CASZ1: variants seen among roughly 807,000 people sequenced by gnomAD.
The protein encoded by CASZ1 is castor zinc finger 1, also known as zinc finger protein castor homolog 1.
A neutral mutation model predicts 135.2 loss-of-function variants in CASZ1; 28 were observed. The observed-to-expected ratio is 0.21, with a 90% CI of 0.15 to 0.28. CASZ1 has a LOEUF of 0.28. Ranked by LOEUF, CASZ1 falls within the 10% of genes least tolerant of loss-of-function variation. The pLI, the probability that CASZ1 is intolerant of heterozygous loss-of-function variation, is 1.00. For synonymous variants in CASZ1, 1,068 were observed against 1,073.4 expected (o/e 0.99, Z 0.10); for missense variants, 2,161 against 2,453.3 (o/e 0.88, Z 2.52).
rs2100518277 is a variant in CASZ1, at chr1:10,735,820, T to C, written c.-77+24881A>G. Reference sequence around the variant, plus strand: ...GGCTGCACCAAGGGGACACTGGGAGTTGTAGGTAGTCAGGGAGCCCAGAGG... The same window carrying C: ...GGCTGCACCAAGGGGACACTGGGAGCTGTAGGTAGTCAGGGAGCCCAGAGG... On this transcript the variant is annotated intron_variant, in intron 2 of 20. Transcript: ENST00000377022. This position sits in a 1 kb window ranked among gnomAD's most constrained non-coding sequence, Gnocchi z 5.1. Among the ~76,000 whole-genome samples, 1 of 151,714 alleles carries C rather than the reference T, an allele frequency of 6.6e-6. No homozygotes were observed. The highest frequency in any genetic ancestry group is 2.1e-4 in the South Asian group (1 of 4,764).
intron 9 of CASZ1, among the ~76,000 whole-genome samples, 199 bp from the exon 10 acceptor site, chr1:10,654,790 G>A (rs560242922): frequency 4.1e-4 from 62 of 152,366 alleles, no homozygotes; most frequent in South Asian, 8.3e-4. Flanking sequence ...GGCCTCCACA[G>A]AGGGACCAAG....
chr1:10,683,316 T>A lies in CASZ1; in HGVS notation c.16+10558A>T, dbSNP rs189222611. ...CACTGGGAAAGAAGCTGGTTCACTC[T>A]CAGATTACAACCAAGCAAAGACCTG... On this transcript the variant is annotated intron_variant, in intron 4 of 20. Transcript: ENST00000377022. Among the ~76,000 whole-genome samples the A allele has an allele frequency of 2.8e-4, 42 of 152,112 alleles. No homozygotes were observed. In the East Asian group the frequency reaches 5.2e-3, roughly 19 times the overall value.
chr1:10,662,623 C>A (rs144506437), intron 5 of CASZ1, among the ~76,000 whole-genome samples: 1 of 151,720 alleles, frequency 6.6e-6, no homozygotes. Context: ...CATCCAGACA[C>A]GCAGTCACAT....
At chr1:10,678,171 G>A (rs1345227277) in intron 4 of CASZ1, among the ~76,000 whole-genome samples, 1 of 152,174 alleles carries the variant, frequency 6.6e-6, no homozygotes, top group Non-Finnish European at 1.5e-5. Context: ...GGTGGCAGAG[G>A]AACACGGGGT....
chr1:10,693,979 C>G, intron 3 of CASZ1, 67 bp from the exon 4 acceptor site: 1 of 1,485,796 alleles, frequency 6.7e-7, no homozygotes, highest in South Asian at 1.1e-5. Flanking sequence ...TCGCGGGACC[C>G]CGGCCGCCCG....
intron 4 of CASZ1, among the ~76,000 whole-genome samples, chr1:10,690,909 C>T (rs1638745777): frequency 6.6e-6 from 1 of 152,198 alleles, no homozygotes; most frequent in Non-Finnish European, 1.5e-5. Context: ...TGTTCAGGGC[C>T]TGGGAATCAG....
chr1:10,729,732 A>G (rs1639669661), intron 2 of CASZ1, among the ~76,000 whole-genome samples: 1 of 152,260 alleles, frequency 6.6e-6, no homozygotes, highest in Non-Finnish European at 1.5e-5. Context: ...GCGTCCCGGC[A>G]CAGACCACAG....
At chr1:10,644,830 G>A (rs1642314795) in intron 18 of CASZ1, 87 bp downstream of exon 18, 12 of 1,387,166 alleles carry the variant, frequency 8.7e-6, no homozygotes, top group Admixed American at 7.7e-5. Flanking sequence ...AACAGGACGC[G>A]GGTACCAGGA....
chr1:10,759,409 G>A lies in CASZ1; in HGVS notation c.-77+1292C>T, dbSNP rs572843570. 6.6e-5 allele frequency among the ~76,000 whole-genome samples: 10 copies of A among 152,240 alleles called. No homozygotes were observed. The highest frequency in any genetic ancestry group is 2.2e-4 in the African/African-American group (9 of 41,522). ...GCCCCGGTGCTATCCAGGGGACAAC[G>A]GCAGCACATCCTAAGTACGACAGAC... On this transcript the variant is annotated intron_variant, in intron 2 of 20. Transcript: ENST00000377022. The surrounding 1 kb of genome is among the most constrained non-coding windows in gnomAD (Gnocchi z 4.2).
chr1:10,779,974 G>A (rs1640734205), intron 1 of CASZ1, among the ~76,000 whole-genome samples: 1 of 152,086 alleles, frequency 6.6e-6, no homozygotes, highest in Non-Finnish European at 1.5e-5. Flanking sequence ...CCTGGAAGAG[G>A]GGCAGAGGCT....
rs1387095670 is a variant in CASZ1 at position 10,762,340 on chromosome 1, T to C, written c.-233-1483A>G. ...CAGCGGGTTTCCTGGTTTCCATGGA[T>C]TCCTGCCAGGCCCCTAATGTGAGTT... is the stretch of plus-strand genomic sequence containing the variant. On this transcript the variant is annotated intron_variant, in intron 1 of 20. Transcript: ENST00000377022. This position sits in a 1 kb window ranked among gnomAD's most constrained non-coding sequence, Gnocchi z 4.1. Among the ~76,000 whole-genome samples the C allele has an allele frequency of 6.6e-6, 1 of 152,136 alleles. No homozygotes were observed. Among genetic ancestry groups the C allele is most frequent in the East Asian group, 1.9e-4 (1 of 5,186 alleles).
chr1:10,645,230 A>T, intron 17 of CASZ1, 142 bp from the exon 18 acceptor site: 1 of 761,462 alleles, frequency 1.3e-6, no homozygotes, highest in Admixed American at 2.9e-5. Context: ...CACCTTTCAC[A>T]TGTTAAAAAG....
rs1353019857 is a variant in CASZ1, at chr1:10,721,105, C to T, written c.-76-15561G>A. Among the ~76,000 whole-genome samples the T allele has an allele frequency of 1.3e-5, 2 of 152,158 alleles. No individual in the cohort carries two copies. Among genetic ancestry groups the T allele is most frequent in the Non-Finnish European group, 2.9e-5 (2 of 68,024 alleles). On this transcript the variant is annotated intron_variant, in intron 2 of 20. Transcript: ENST00000377022. This position sits in a 1 kb window ranked among gnomAD's most constrained non-coding sequence, Gnocchi z 5.4. ...TGGGCTCCTGGGCCTCAGGCAACTG[C>T]CCGGTGCCCAGGGTCCCCTTGGCTC...
At chr1:10,732,747 A>G (rs1327441091) in intron 2 of CASZ1, among the ~76,000 whole-genome samples, 1 of 152,194 alleles carries the variant, frequency 6.6e-6, no homozygotes, top group Non-Finnish European at 1.5e-5. Context: ...CCATGGTGGC[A>G]GCAGCAGTGC....
In CASZ1 at chr1:10,665,426, C is replaced by T. The variant is rs775019416; in HGVS notation, c.162G>A (p.Thr54=). The change falls in exon 5 of 21, where the codon ACG becomes ACA. Residue 54 remains threonine (T), a synonymous_variant. Transcript: ENST00000377022. ...VEKRADAGSH[T]EGSPSQPRDQ... is the part of the protein sequence containing the mutation. ...CCCGGGGCTGCGATGGGCTGCCCTC[C>T]GTGTGGGAGCCGGCGTCAGCTCGCT... 4 of 1,612,310 alleles carry T rather than the reference C, an allele frequency of 2.5e-6. No homozygotes were observed. Among genetic ancestry groups the T allele is most frequent in the East Asian group, 2.2e-5 (1 of 44,874 alleles).
chr1:10,647,260 A>G lies in CASZ1; in HGVS notation c.3497+541T>C, dbSNP rs1173280256. The G allele has an allele frequency of 1.0e-5, 10 of 996,212 alleles. No individual in the cohort carries two copies. Among genetic ancestry groups the G allele is most frequent in the South Asian group, 4.4e-5 (1 of 22,780 alleles). The allele number at this position is 996,212 out of a possible 1,614,324, so 61.7% of individuals were successfully genotyped here. On this transcript the variant is annotated intron_variant, in intron 16 of 20. Transcript: ENST00000377022. The surrounding 1 kb of genome is among the most constrained non-coding windows in gnomAD (Gnocchi z 4.9). Reference sequence around the variant, plus strand: ...TTATTGAGAACAGGAAGCCGCACACATGACAATACAAAGTCACCGTTCTCC... The same window carrying G: ...TTATTGAGAACAGGAAGCCGCACACGTGACAATACAAAGTCACCGTTCTCC...
At position 10,653,516 on chromosome 1, in the gene CASZ1, T is replaced by C. The variant is rs778082389; in HGVS notation, c.2541A>G (p.Ser847=). 1 of 1,608,876 alleles carries C rather than the reference T, an allele frequency of 6.2e-7. No homozygotes were observed. Among genetic ancestry groups the C allele is most frequent in the South Asian group, 1.1e-5 (1 of 90,762 alleles). Reference sequence around the variant, plus strand: ...GGACAGAGGCGGCAGCCACGGGGGCTGAGTCTCCAGCTCCCGAGGCGACCA... The same window carrying C: ...GGACAGAGGCGGCAGCCACGGGGGCCGAGTCTCCAGCTCCCGAGGCGACCA... ...PTLVASGAGD[S]APVAAASVPA... is the part of the protein sequence containing the mutation. Residue 847 remains serine (S), a synonymous_variant, in exon 11 of 21, where the codon TCA becomes TCG. Transcript: ENST00000377022.
rs547528323 is a variant in CASZ1 at position 10,653,913 on chromosome 1, G to A, written c.2144C>T (p.Thr715Met). 4.0e-5 allele frequency: 64 copies of A among 1,613,540 alleles called. No homozygotes were observed. The highest frequency in any genetic ancestry group is 1.8e-4 in the South Asian group (16 of 91,050). ...LPPSLLGAKD[T>M]EHEESSNDDL... The stretch of plus-strand genomic sequence containing the variant: ...GTCGTTGCTGGACTCCTCGTGCTCC[G>A]TGTCCTTGGCGCCCAGCAGCGAGGG... Residue 715 changes from threonine (T) to methionine (M), a missense_variant, in exon 11 of 21, where the codon ACG becomes ATG. Coordinates refer to ENST00000377022, the MANE Select transcript of CASZ1 (RefSeq NM_001079843.3).
chr1:10,744,321 G>A, intron 2 of CASZ1, among the ~76,000 whole-genome samples: 1 of 152,174 alleles, frequency 6.6e-6, no homozygotes, highest in Non-Finnish European at 1.5e-5. Context: ...GGTGGGGTGG[G>A]GGGCATTAGC....
Sources: allele counts gnomAD v4.1 joint callset (sites outside exome capture counted in the v4.1 genomes callset), GRCh38; gene constraint gnomAD v4.1.1; non-coding constraint Gnocchi (gnomAD v3.1); transcripts MANE v1.5; gene names NCBI Gene and HGNC (gene_info 2026-07-23, HGNC 2026-07-21).